ASAP2: variants seen among roughly 807,000 people sequenced by gnomAD.
ASAP2 encodes the protein arf-GAP with SH3 domain, ANK repeat and PH domain-containing protein 2.
In ASAP2, 45 loss-of-function variants were observed where a neutral mutation model predicts 131.4. The observed-to-expected ratio is 0.34, with a 90% CI of 0.27 to 0.44. ASAP2 has a LOEUF of 0.44. Among genes scored for constraint, ASAP2 ranks in the 20% least tolerant of loss-of-function variants. ASAP2 has a pLI of 1.00. For missense variants in ASAP2, 1,011 were observed against 1,297.0 expected (o/e 0.78, Z 3.39); for synonymous variants, 510 against 503.0 (o/e 1.01, Z -0.19).
chr2:9,339,369 G>A (rs1671431011), intron 9 of ASAP2, among the ~76,000 whole-genome samples: 1 of 152,034 alleles, frequency 6.6e-6, no homozygotes, highest in Admixed American at 6.6e-5. Flanking sequence ...ACACTGGGCA[G>A]GTTCCTGGAC....
chr2:9,280,298 T>C (rs1667049332), intron 2 of ASAP2, among the ~76,000 whole-genome samples: 1 of 152,148 alleles, frequency 6.6e-6, no homozygotes, highest in African/African-American at 2.4e-5. Flanking sequence ...CCTTAGATGG[T>C]CGTGGTGTCA....
intron 1 of ASAP2, among the ~76,000 whole-genome samples, chr2:9,245,755 GC>G (rs752407990): frequency 6.6e-6 from 1 of 152,104 alleles, no homozygotes; most frequent in African/African-American, 2.4e-5. Context: ...TGTGTGCCAT[GC>G]ATTAGTCGGT....
In ASAP2 at chr2:9,397,727, G is replaced by GAGATATATATATATATATATATATAT. The variant is rs897153464; in HGVS notation, c.2685-2295_2685-2294insGATATATATATATATATATATATATA. The stretch of plus-strand genomic sequence containing the variant: ...TTGGTTGGGAAAAAAAAATCAAAAG[G>GAGATATATATATATATATATATATAT]ATATATATATATATATATATATATT... On this transcript the variant is annotated intron_variant, in intron 24 of 27. Transcript: ENST00000281419. Among the ~76,000 whole-genome samples, 26 of 83,518 alleles carry GAGATATATATATATATATATATATAT rather than the reference G, an allele frequency of 3.1e-4. 4 individuals carry two copies. The highest frequency in any genetic ancestry group is 1.8e-3 in the African/African-American group (23 of 12,982). The allele number at this position is 83,518 out of a possible 152,430, so 54.8% of individuals were successfully genotyped here.
At position 9,206,979 on chromosome 2, in the gene ASAP2, T is replaced by C; in HGVS notation, c.-126T>C. On this transcript the variant is annotated 5_prime_UTR_variant, in exon 1 of 28. Coordinates refer to ENST00000281419, the MANE Select transcript of ASAP2 (RefSeq NM_003887.3). This position sits in a 1 kb window ranked among gnomAD's most constrained non-coding sequence, Gnocchi z 4.0. ...CCCGCGCGGCTCCCGCGCCCGGCGC[T>C]CCCCTTTGTCCGCGGGCCGGAGCGG... is the stretch of plus-strand genomic sequence containing the variant. 1.1e-6 allele frequency: 1 copy of C among 933,386 alleles called. No individual in the cohort carries two copies. The highest frequency in any genetic ancestry group is 1.3e-6 in the Non-Finnish European group (1 of 779,398). 57.8% of individuals were successfully genotyped at this position (933,386 alleles called of 1,614,324 possible). A position where few individuals can be genotyped will look rare whatever the true frequency, so the allele number is the denominator to read the frequency against.
At chr2:9,337,702 CT>C (rs1671301903) in intron 9 of ASAP2, among the ~76,000 whole-genome samples, 1 of 152,166 alleles carries the variant, frequency 6.6e-6, no homozygotes, top group Non-Finnish European at 1.5e-5. Context: ...CTTCGTGCTG[CT>C]GTTTCCTTGT....
At chr2:9,258,744 G>T (rs1350089592) in intron 1 of ASAP2, among the ~76,000 whole-genome samples, 1 of 152,242 alleles carries the variant, frequency 6.6e-6, no homozygotes. Context: ...ATATTCCACA[G>T]ATCAGCTTCA....
chr2:9,387,057 T>A (rs942596110), intron 21 of ASAP2, among the ~76,000 whole-genome samples: 1 of 136,664 alleles, frequency 7.3e-6, no homozygotes, highest in African/African-American at 3.1e-5. Context: ...TACAAAAAAA[T>A]TAGCCGGGCT....
chr2:9,270,821 C>G, intron 1 of ASAP2, among the ~76,000 whole-genome samples: 1 of 67,850 alleles, frequency 1.5e-5, no homozygotes, highest in East Asian at 3.2e-4. Context: ...GAGACGGAGT[C>G]TCGCTCCGTC....
intron 3 of ASAP2, among the ~76,000 whole-genome samples, chr2:9,312,426 G>A (rs940193085): frequency 6.6e-6 from 1 of 151,970 alleles, no homozygotes; most frequent in Non-Finnish European, 1.5e-5. Context: ...CCAGCACTTC[G>A]ACCACCCTCT....
Position 9,318,992 on chromosome 2 carries a change from A to G in ASAP2, c.420+394A>G, listed in dbSNP as rs963956061. Among the ~76,000 whole-genome samples the G allele has an allele frequency of 3.2e-4, 49 of 152,346 alleles. 1 individual carries two copies. Among genetic ancestry groups the G allele is most frequent in the Admixed American group, 3.0e-3 (46 of 15,300 alleles). ...AGCAAGGGTGTATTTTCCTGCTGGG[A>G]AGGTCGCAGTCGTCAGGCATGAGCC... On this transcript the variant is annotated intron_variant, in intron 4 of 27. Coordinates refer to ENST00000281419, the MANE Select transcript of ASAP2 (RefSeq NM_003887.3).
chr2:9,229,833 G>A (rs1399193379), intron 1 of ASAP2, among the ~76,000 whole-genome samples: 1 of 152,204 alleles, frequency 6.6e-6, no homozygotes, highest in Non-Finnish European at 1.5e-5. Flanking sequence ...CCCTGGAGGT[G>A]TGTGCCCCTC....
At chr2:9,316,284 C>T (rs1338228033) in intron 3 of ASAP2, among the ~76,000 whole-genome samples, 2 of 151,744 alleles carry the variant, frequency 1.3e-5, no homozygotes, top group Non-Finnish European at 2.9e-5. Flanking sequence ...ACCTGGGCGA[C>T]ACAGTGAGAC....
At chr2:9,338,547 C>T (rs890117251) in intron 9 of ASAP2, among the ~76,000 whole-genome samples, 1 of 152,184 alleles carries the variant, frequency 6.6e-6, no homozygotes, top group African/African-American at 2.4e-5. Context: ...CTGCCTGCCT[C>T]TCCTGCCAAG....
intron 1 of ASAP2, 59 bp from the exon 2 acceptor site, chr2:9,279,258 C>T (rs560130414): frequency 2.3e-5 from 35 of 1,533,502 alleles, no homozygotes; most frequent in South Asian, 1.8e-4. Flanking sequence ...ACGTGGTGCT[C>T]GCTGCTAGCG....
intron 1 of ASAP2, among the ~76,000 whole-genome samples, chr2:9,260,708 A>G (rs1665519419): frequency 6.6e-6 from 1 of 151,910 alleles, no homozygotes; most frequent in Non-Finnish European, 1.5e-5. Context: ...CCATTCTACC[A>G]TAGGGGAATG....
rs186213095 is a variant in ASAP2 at position 9,282,449 on chromosome 2, C to T, written c.199+3060C>T. On this transcript the variant is annotated intron_variant, in intron 2 of 27. Transcript: ENST00000281419. Reference sequence around the variant, plus strand: ...CTCTTTAGAACTGCTTTTAGTAGCACGTTCTTTTGCATATATTTAGTAGAG... The same window carrying T: ...CTCTTTAGAACTGCTTTTAGTAGCATGTTCTTTTGCATATATTTAGTAGAG... Among the ~76,000 whole-genome samples the T allele has an allele frequency of 4.6e-5, 7 of 152,274 alleles. No homozygotes were observed. In the East Asian group the frequency reaches 5.8e-4, roughly 13 times the overall value.
intron 1 of ASAP2, among the ~76,000 whole-genome samples, chr2:9,243,841 G>A (rs1430687488): frequency 2.0e-5 from 3 of 152,158 alleles, no homozygotes; most frequent in Non-Finnish European, 2.9e-5. Flanking sequence ...GTGAGGGACC[G>A]ATATAAGTAA....
intron 1 of ASAP2, among the ~76,000 whole-genome samples, chr2:9,267,812 C>T (rs994252097): frequency 1.4e-5 from 2 of 145,390 alleles, no homozygotes; most frequent in African/African-American, 2.6e-5. Flanking sequence ...GCCTGAGAAT[C>T]GCTTGAACCC....
At chr2:9,279,203 A>C (rs1666963004) in intron 1 of ASAP2, 114 bp from the exon 2 acceptor site, 3 of 955,086 alleles carry the variant, frequency 3.1e-6, no homozygotes, top group Non-Finnish European at 5.0e-6. Flanking sequence ...GTCTCCCAGA[A>C]ACAGGTGCCT....
Sources: gnomAD v4.1 joint callset for allele counts (sites outside exome capture counted in the v4.1 genomes callset) on GRCh38, gnomAD v4.1.1 for gene constraint, Gnocchi (gnomAD v3.1) non-coding constraint, MANE v1.5 for transcripts, NCBI Gene and HGNC (gene_info 2026-07-23, HGNC 2026-07-21) for gene names.